The following TRPC7 variants were observed in gnomAD, a reference collection of about 807,000 sequenced individuals.
TRPC7 encodes short transient receptor potential channel 7.
A neutral mutation model predicts 90.1 loss-of-function variants in TRPC7; 42 were observed. That is an observed-to-expected ratio of 0.47 (90% CI 0.36 to 0.60). The LOEUF (loss-of-function observed/expected upper bound fraction) is 0.60. Ranked by LOEUF, TRPC7 falls within the 20% of genes least tolerant of loss-of-function variation. The pLI, the probability that TRPC7 is intolerant of heterozygous loss-of-function variation, is 0.00. For synonymous variants in TRPC7, 451 were observed against 436.3 expected (o/e 1.03, Z -0.42); for missense variants, 955 against 1,112.3 (o/e 0.86, Z 2.01).
At chr5:136,222,310 C>G (rs1755486595) in intron 10 of TRPC7, among the ~76,000 whole-genome samples, 1 of 152,188 alleles carries the variant, frequency 6.6e-6, no homozygotes. Flanking sequence ...AAGCAGCAAA[C>G]TTAGTAACTA....
rs143009727 is a variant in TRPC7, at chr5:136,275,198, G to A, written c.964-361C>T. Among the ~76,000 whole-genome samples, 314 of 152,222 alleles carry A rather than the reference G, an allele frequency of 2.1e-3. 1 individual carries two copies. In the Middle Eastern group the frequency reaches 0.024, roughly 12 times the overall value. ...CTTATCTCTGGGCAGAGTTCACTTG[G>A]GAAGGAACACAGAGGAATGGATGGA... On this transcript the variant is annotated intron_variant, in intron 3 of 11. Transcript: ENST00000513104.
chr5:136,250,804 C>T (rs1274527038), intron 6 of TRPC7, among the ~76,000 whole-genome samples: 1 of 151,916 alleles, frequency 6.6e-6, no homozygotes, highest in African/African-American at 2.4e-5. Context: ...AGTAAACTAC[C>T]GAACTAGGAT....
Position 136,365,356 on chromosome 5 carries a change from G to T in TRPC7, c.-102C>A. 1.7e-6 allele frequency: 2 copies of T among 1,203,860 alleles called. No homozygotes were observed. The highest frequency in any genetic ancestry group is 2.4e-6 in the Non-Finnish European group (2 of 843,264). 74.6% of individuals were successfully genotyped at this position (1,203,860 alleles called of 1,614,324 possible). ...CATGGGTGGTAGCCAAGGATGTACC[G>T]CTCTCCGTGGTGCTGAAGTATAGAG... On this transcript the variant is annotated 5_prime_UTR_variant, in exon 1 of 12. Coordinates refer to ENST00000513104, the MANE Select transcript of TRPC7 (RefSeq NM_020389.3).
rs1203887542 is a variant in TRPC7 at position 136,365,473 on chromosome 5, C to A, written c.-219G>T. ...AAAAACTCGCCTTCCGAGGCAGAAC[C>A]GTGTTACCGTCCTTTTCCTAATCGG... On this transcript the variant is annotated 5_prime_UTR_variant, in exon 1 of 12. Coordinates refer to ENST00000513104, the MANE Select transcript of TRPC7 (RefSeq NM_020389.3). 12 of 578,978 alleles carry A rather than the reference C, an allele frequency of 2.1e-5. No individual in the cohort carries two copies. The highest frequency in any genetic ancestry group is 1.8e-5 in the Non-Finnish European group (6 of 325,366). 35.9% of individuals were successfully genotyped at this position (578,978 alleles called of 1,614,324 possible).
At chr5:136,269,150 G>A (rs1757125282) in intron 4 of TRPC7, among the ~76,000 whole-genome samples, 1 of 152,188 alleles carries the variant, frequency 6.6e-6, no homozygotes, top group Non-Finnish European at 1.5e-5. Flanking sequence ...TGCCTGGAGT[G>A]CAGAACTGAG....
intron 3 of TRPC7, among the ~76,000 whole-genome samples, chr5:136,278,281 C>T (rs771946283): frequency 1.4e-4 from 22 of 152,212 alleles, no homozygotes; most frequent in Admixed American, 4.6e-4. Flanking sequence ...TGGTCTTTAG[C>T]GTGGTGTTCA....
intron 3 of TRPC7, among the ~76,000 whole-genome samples, chr5:136,301,755 G>T (rs547569950): frequency 1.3e-5 from 2 of 152,272 alleles, no homozygotes; most frequent in African/African-American, 4.8e-5. Context: ...GACTCAGCCT[G>T]CCTGCACCCA....
intron 4 of TRPC7, among the ~76,000 whole-genome samples, chr5:136,268,191 G>A (rs1757097989): frequency 1.3e-5 from 2 of 152,272 alleles, no homozygotes; most frequent in South Asian, 2.1e-4. Flanking sequence ...TTCCCAACCA[G>A]GACCTTGGGA....
At chr5:136,267,100 A>G (rs1757058613) in intron 4 of TRPC7, among the ~76,000 whole-genome samples, 1 of 152,194 alleles carries the variant, frequency 6.6e-6, no homozygotes, top group South Asian at 2.1e-4. Context: ...CATAGCCTCT[A>G]TGATGGTATT....
intron 8 of TRPC7, among the ~76,000 whole-genome samples, chr5:136,229,196 G>T (rs1386502083): frequency 6.6e-6 from 1 of 152,200 alleles, no homozygotes; most frequent in Non-Finnish European, 1.5e-5. Context: ...AAATATATGT[G>T]TTGTTTGTCC....
chr5:136,260,512 T>C (rs1457045371), intron 5 of TRPC7, among the ~76,000 whole-genome samples: 1 of 152,076 alleles, frequency 6.6e-6, no homozygotes, highest in Admixed American at 6.6e-5. Flanking sequence ...AGGGCAAGTG[T>C]TCTTAGGCAG....
intron 2 of TRPC7, among the ~76,000 whole-genome samples, chr5:136,352,964 C>T (rs957928190): frequency 2.8e-4 from 42 of 152,340 alleles, no homozygotes; most frequent in African/African-American, 9.4e-4. Context: ...GAGTCACTTG[C>T]TTCATCAGTT....
intron 7 of TRPC7, among the ~76,000 whole-genome samples, chr5:136,244,193 C>CCCT (rs1756260672): frequency 6.7e-6 from 1 of 149,096 alleles, no homozygotes; most frequent in Non-Finnish European, 1.5e-5. Flanking sequence ...TCCTTCCTCT[C>CCCT]CCTCCTCCTC....
intron 10 of TRPC7, among the ~76,000 whole-genome samples, chr5:136,221,279 T>C (rs995948755): frequency 6.6e-6 from 1 of 152,072 alleles, no homozygotes; most frequent in Non-Finnish European, 1.5e-5. Context: ...TAGCAAATAC[T>C]GGAGATGAGT....
intron 3 of TRPC7, among the ~76,000 whole-genome samples, chr5:136,291,213 C>T (rs1001033901): frequency 6.6e-6 from 1 of 152,184 alleles, no homozygotes. Flanking sequence ...ACCATCAAGG[C>T]TAGGAAGAAA....
chr5:136,265,600 T>TGG (rs779240920), intron 5 of TRPC7, among the ~76,000 whole-genome samples: 14 of 152,310 alleles, frequency 9.2e-5, no homozygotes, highest in Admixed American at 2.6e-4. Context: ...TCTCATAAAT[T>TGG]GGGTAAAAGA....
At chr5:136,240,968 CAGCCTTGA>C (rs1346285482) in intron 7 of TRPC7, among the ~76,000 whole-genome samples, 1 of 152,106 alleles carries the variant, frequency 6.6e-6, no homozygotes, top group Non-Finnish European at 1.5e-5. Flanking sequence ...ACGTGAAGCT[CAGCCTTGA>C]AGCTGGGACA....
chr5:136,292,881 T>C (rs1758012937), intron 3 of TRPC7, among the ~76,000 whole-genome samples: 1 of 152,182 alleles, frequency 6.6e-6, no homozygotes, highest in Admixed American at 6.5e-5. Flanking sequence ...TGAACATTGA[T>C]GCAAAAATCC....
chr5:136,231,022 C>T (rs544984591), intron 8 of TRPC7, among the ~76,000 whole-genome samples: 35 of 152,246 alleles, frequency 2.3e-4, no homozygotes, highest in Middle Eastern at 6.8e-3. Context: ...ACGTGAGAGG[C>T]GAAAGGGGCC....
Sources: gnomAD v4.1 joint callset for allele counts (sites outside exome capture counted in the v4.1 genomes callset) on GRCh38, gnomAD v4.1.1 for gene constraint, MANE v1.5 for transcripts, NCBI Gene and HGNC (gene_info 2026-07-23, HGNC 2026-07-21) for gene names.